ANXA8: variants seen among roughly 807,000 people sequenced by gnomAD.
ANXA8 encodes VAC-beta.
Under a neutral mutation model 26.8 loss-of-function variants are expected in ANXA8, and 9 were observed. The observed-to-expected ratio is 0.34, with a 90% CI of 0.20 to 0.59. The LOEUF (loss-of-function observed/expected upper bound fraction) is 0.59, where lower values mean the gene tolerates loss of function less well. Among genes scored for constraint, ANXA8 ranks in the 20% least tolerant of loss-of-function variants. The pLI, the probability that ANXA8 is intolerant of heterozygous loss-of-function variation, is 0.84. For missense variants in ANXA8, 83 were observed against 238.5 expected, an observed-to-expected ratio of 0.35 and a Z score of 4.29; for synonymous variants, 39 against 94.8, an observed-to-expected ratio of 0.41 and a Z score of 3.42.
the ANXA8 span, among the ~76,000 whole-genome samples, chr10:47,526,720 T>C: frequency 2.1e-5 from 3 of 142,696 alleles, no homozygotes; most frequent in Non-Finnish European, 4.6e-5. Context: ...TAGTGGTCTG[T>C]ATAATAAAGA....
chr10:47,957,458 C>T, the ANXA8 span, among the ~76,000 whole-genome samples: 61 of 150,664 alleles, frequency 4.0e-4, 4 homozygotes, highest in East Asian at 4.1e-3. Context: ...CCTCTGGTCC[C>T]GGCCTCAGTC....
At chr10:47,470,328 A>C (rs1269954963) in intron 11 of ANXA8, among the ~76,000 whole-genome samples, 12 of 148,922 alleles carry the variant, frequency 8.1e-5, no homozygotes, top group Non-Finnish European at 1.8e-4. Context: ...GGCTTCATGT[A>C]TCTGTAGAAA....
At chr10:47,546,178 A>G in the ANXA8 span, among the ~76,000 whole-genome samples, 2 of 139,782 alleles carry the variant, frequency 1.4e-5, no homozygotes, top group Non-Finnish European at 3.1e-5. Context: ...TTAAATACGT[A>G]CAGAAAACCA....
chr10:47,915,121 C>T, the ANXA8 span, among the ~76,000 whole-genome samples: 1 of 151,478 alleles, frequency 6.6e-6, no homozygotes. Flanking sequence ...TTGGCAGCTG[C>T]CCTTCAGAAT....
the ANXA8 span, among the ~76,000 whole-genome samples, chr10:47,631,203 A>G: frequency 9.9e-5 from 15 of 150,900 alleles, no homozygotes; most frequent in African/African-American, 3.5e-4. Context: ...TATTCTAAGC[A>G]TCAATCAAGA....
chr10:47,713,154 TTC>T, the ANXA8 span, among the ~76,000 whole-genome samples: 2 of 138,178 alleles, frequency 1.4e-5, no homozygotes, highest in African/African-American at 5.3e-5. Context: ...TCAGTCTTGT[TTC>T]ACCTGTTACC....
At chr10:47,991,753 C>T in the ANXA8 span, 1 of 1,610,104 alleles carries the variant, frequency 6.2e-7, no homozygotes, top group East Asian at 2.2e-5. Flanking sequence ...CACAGGTTGG[C>T]CTCTGCTGGG....
At chr10:47,956,780 G>A in the ANXA8 span, among the ~76,000 whole-genome samples, 116 of 149,722 alleles carry the variant, frequency 7.7e-4, no homozygotes, top group South Asian at 4.6e-3. Context: ...TCCCTTCCTC[G>A]CACAGCCCAG....
the ANXA8 span, among the ~76,000 whole-genome samples, chr10:47,957,463 T>G: frequency 1.3e-5 from 2 of 150,570 alleles, no homozygotes; most frequent in East Asian, 4.0e-4. Context: ...GGTCCCGGCC[T>G]CAGTCAGGCC....
the ANXA8 span, among the ~76,000 whole-genome samples, chr10:47,593,550 CT>C: frequency 6.7e-6 from 1 of 149,760 alleles, no homozygotes; most frequent in African/African-American, 2.5e-5. Context: ...ATCTACCAGA[CT>C]GAAGTTTGAG....
At chr10:47,901,149 G>A in the ANXA8 span, among the ~76,000 whole-genome samples, 468 of 138,448 alleles carry the variant, frequency 3.4e-3, 1 homozygote, top group Middle Eastern at 0.011. Context: ...ACCTTTTCAA[G>A]GGGAGAAAGT....
chr10:47,521,791 T>C, the ANXA8 span, among the ~76,000 whole-genome samples: 1 of 151,452 alleles, frequency 6.6e-6, no homozygotes, highest in East Asian at 2.0e-4. Context: ...CTTTCCTTTT[T>C]TTTTTGTGAG....
chr10:47,733,195 T>TTC, the ANXA8 span, among the ~76,000 whole-genome samples: 1 of 111,386 alleles, frequency 9.0e-6, no homozygotes, highest in East Asian at 2.4e-4. Flanking sequence ...CTTTCTTTCT[T>TTC]TCTTTCTTTC....
At chr10:47,614,196 C>T in the ANXA8 span, among the ~76,000 whole-genome samples, 3 of 74,788 alleles carry the variant, frequency 4.0e-5, 1 homozygote, top group Non-Finnish European at 1.0e-4. Context: ...TTTCCTGTTT[C>T]AGGGCTATTA....
At chr10:47,607,242 T>G in the ANXA8 span, among the ~76,000 whole-genome samples, 2 of 141,966 alleles carry the variant, frequency 1.4e-5, no homozygotes, top group Non-Finnish European at 3.0e-5. Context: ...AGTCATATTA[T>G]ATACATATGT....
At chr10:47,657,271 C>T in the ANXA8 span, among the ~76,000 whole-genome samples, 1 of 151,644 alleles carries the variant, frequency 6.6e-6, no homozygotes, top group African/African-American at 2.4e-5. Context: ...GCTATGTTGT[C>T]CAGGCCAGTC....
At chr10:47,653,536 A>G in the ANXA8 span, among the ~76,000 whole-genome samples, 1 of 151,670 alleles carries the variant, frequency 6.6e-6, no homozygotes, top group African/African-American at 2.4e-5. Flanking sequence ...TGGGAAAATT[A>G]AGGACATTTT....
At chr10:47,476,545 G>T (rs1449596088) in intron 4 of ANXA8, among the ~76,000 whole-genome samples, 1 of 118,608 alleles carries the variant, frequency 8.4e-6, no homozygotes, top group East Asian at 4.3e-4. Flanking sequence ...TTAGCTGGGT[G>T]GTCTCAGACA....
At chr10:47,588,982 T>G in the ANXA8 span, 1 of 144,436 alleles carries the variant, frequency 6.9e-6, no homozygotes, top group Non-Finnish European at 1.5e-5. Context: ...CCTGGTTAAT[T>G]TTTGTATATT....
Sources: gnomAD v4.1 joint callset for allele counts (sites outside exome capture counted in the v4.1 genomes callset) on GRCh38, gnomAD v4.1.1 for gene constraint, MANE v1.5 for transcripts, NCBI Gene and HGNC (gene_info 2026-07-23, HGNC 2026-07-21) for gene names.